Variants in OR7C1 observed in about 807,000 individuals in gnomAD.
OR7C1 encodes olfactory receptor 7C1.
For missense variants in OR7C1, 324 were observed against 383.3 expected, an observed-to-expected ratio of 0.85 and a Z score of 1.29; for synonymous variants, 152 against 160.7, an observed-to-expected ratio of 0.95 and a Z score of 0.41.
At chr19:14,834,945 C>T (rs1459014281) in intron 1 of OR7C1, 129 bp downstream of exon 1, 1 of 152,188 alleles carries the variant, frequency 6.6e-6, no homozygotes, top group African/African-American at 2.4e-5. Flanking sequence ...ATCAACCAAG[C>T]AAATAACCGC....
chr19:14,821,738 T>G (rs1008505313), intron 1 of OR7C1, among the ~76,000 whole-genome samples: 1 of 152,232 alleles, frequency 6.6e-6, no homozygotes, highest in African/African-American at 2.4e-5. Flanking sequence ...AAATCTTACG[T>G]ACCATAGCAC....
At chr19:14,818,154 ACG>A (rs2044725071) in intron 1 of OR7C1, among the ~76,000 whole-genome samples, 1 of 151,540 alleles carries the variant, frequency 6.6e-6, no homozygotes, top group Admixed American at 6.6e-5. Context: ...CAGTAGTGGC[ACG>A]ATCTCGGCTC....
At chr19:14,831,695 G>T (rs1412867608) in intron 1 of OR7C1, among the ~76,000 whole-genome samples, 1 of 151,880 alleles carries the variant, frequency 6.6e-6, no homozygotes, top group Non-Finnish European at 1.5e-5. Flanking sequence ...CGCCTGCCTC[G>T]GCCTCCCAAA....
chr19:14,799,341 G>A (rs1477074141), exon 5 of OR7C1: 1 of 1,614,194 alleles, frequency 6.2e-7, no homozygotes, highest in East Asian at 2.2e-5. Flanking sequence ...CTAGAAGATG[G>A]TGTGGCTGCA....
intron 2 of OR7C1, among the ~76,000 whole-genome samples, chr19:14,808,050 C>T (rs2044673926): frequency 6.7e-6 from 1 of 150,336 alleles, no homozygotes; most frequent in African/African-American, 2.5e-5. Flanking sequence ...AAATTAAAAC[C>T]ACGATGAGAT....
chr19:14,827,753 TACC>T, intron 1 of OR7C1: 1 of 1,614,190 alleles, frequency 6.2e-7, no homozygotes, highest in Non-Finnish European at 8.5e-7. Context: ...ACAGCCGTAC[TACC>T]ATTAAGATTT....
chr19:14,799,398 C>G (rs73004304), exon 5 of OR7C1: 316,690 of 1,614,006 alleles, frequency 0.2, 32,345 homozygotes, highest in African/African-American at 0.24. Flanking sequence ...AAGGTGACCA[C>G]TGAGAGGTGG....
chr19:14,834,462 A>G (rs1404075036), intron 1 of OR7C1, among the ~76,000 whole-genome samples: 1 of 152,238 alleles, frequency 6.6e-6, no homozygotes, highest in African/African-American at 2.4e-5. Context: ...AACAACACAC[A>G]AATATATTCA....
chr19:14,801,018 T>A (rs940196883), intron 2 of OR7C1, among the ~76,000 whole-genome samples: 2 of 152,186 alleles, frequency 1.3e-5, no homozygotes, highest in Non-Finnish European at 2.9e-5. Flanking sequence ...TCTGAACTCC[T>A]CGTGTGTGTC....
At chr19:14,832,569 G>A (rs914950343) in intron 1 of OR7C1, among the ~76,000 whole-genome samples, 6 of 151,786 alleles carry the variant, frequency 4.0e-5, no homozygotes, top group African/African-American at 1.5e-4. Context: ...TGGGATTACA[G>A]TCATGAGCCA....
intron 1 of OR7C1, among the ~76,000 whole-genome samples, chr19:14,831,536 C>T (rs1380111393): frequency 6.6e-6 from 1 of 152,012 alleles, no homozygotes; most frequent in African/African-American, 2.4e-5. Flanking sequence ...GCTCAGCCTC[C>T]CGGGTTCACG....
intron 1 of OR7C1, among the ~76,000 whole-genome samples, chr19:14,833,924 A>C (rs375964679): frequency 1.3e-5 from 2 of 152,244 alleles, no homozygotes; most frequent in East Asian, 1.9e-4. Context: ...AATAAGTGTC[A>C]TAATGTCTTG....
chr19:14,828,200 A>G, intron 1 of OR7C1: 2 of 1,613,264 alleles, frequency 1.2e-6, no homozygotes, highest in South Asian at 1.1e-5. Flanking sequence ...AAAATCCCAG[A>G]AGAAGAAATT....
intron 1 of OR7C1, among the ~76,000 whole-genome samples, chr19:14,833,478 CA>C (rs1171643428): frequency 3.3e-5 from 5 of 150,568 alleles, no homozygotes; most frequent in East Asian, 2.0e-4. Context: ...GACTCCGTCT[CA>C]AAAAAAAAGT....
intron 1 of OR7C1, chr19:14,827,160 T>G: frequency 1.9e-6 from 2 of 1,038,462 alleles, no homozygotes; most frequent in Non-Finnish European, 2.6e-6. Context: ...CAAGACCAGT[T>G]GAAATCACAA....
chr19:14,799,364 A>G, exon 5 of OR7C1: 1 of 1,614,042 alleles, frequency 6.2e-7, no homozygotes, highest in South Asian at 1.1e-5. Flanking sequence ...ACTGAGATAG[A>G]CCCCAAAGCC....
chr19:14,801,144 T>A (rs551301066), intron 2 of OR7C1, among the ~76,000 whole-genome samples: 26 of 152,298 alleles, frequency 1.7e-4, no homozygotes, highest in African/African-American at 6.0e-4. Context: ...CAGCTTCTAG[T>A]TCTCAGCTCT....
At chr19:14,832,998 T>G (rs2044849170) in intron 1 of OR7C1, among the ~76,000 whole-genome samples, 1 of 152,202 alleles carries the variant, frequency 6.6e-6, no homozygotes, top group African/African-American at 2.4e-5. Flanking sequence ...TCAGTTATTA[T>G]TTGCTGAATG....
intron 1 of OR7C1, among the ~76,000 whole-genome samples, chr19:14,819,358 C>A (rs1407206714): frequency 6.6e-6 from 1 of 151,804 alleles, no homozygotes; most frequent in Non-Finnish European, 1.5e-5. Flanking sequence ...GTGTGTCGTT[C>A]CCCTCCCTGT....
Sources: gnomAD v4.1 joint callset for allele counts (sites outside exome capture counted in the v4.1 genomes callset) on GRCh38, gnomAD v4.1.1 for gene constraint, MANE v1.5 for transcripts, NCBI Gene and HGNC (gene_info 2026-07-23, HGNC 2026-07-21) for gene names.